Variants in SAMMSON observed in about 807,000 individuals in gnomAD.
SAMMSON encodes the protein long intergenic non-protein coding RNA 1212.
chr3:70,424,596 C>T (rs1701340401), intron 2 of SAMMSON, among the ~76,000 whole-genome samples: 1 of 151,716 alleles, frequency 6.6e-6, no homozygotes, highest in African/African-American at 2.4e-5. Context: ...TAAATCAATT[C>T]AAATAAAATA....
At chr3:70,249,582 A>G (rs1423519818) in intron 5 of SAMMSON, 1 of 152,018 alleles carries the variant, frequency 6.6e-6, no homozygotes, top group Non-Finnish European at 1.5e-5. Context: ...TTCTTAAAAT[A>G]TATCATTGCA....
chr3:70,279,047 C>T (rs1211101424), intron 6 of SAMMSON, among the ~76,000 whole-genome samples: 1 of 150,432 alleles, frequency 6.6e-6, no homozygotes, highest in Non-Finnish European at 1.5e-5. Context: ...CCTTGTCAAG[C>T]TTTCTCCCTT....
chr3:70,042,833 A>G (rs765751355), intron 3 of SAMMSON, among the ~76,000 whole-genome samples: 1 of 152,128 alleles, frequency 6.6e-6, no homozygotes, highest in Non-Finnish European at 1.5e-5. Context: ...GGAGTCCAAA[A>G]TAGCTGGAAA....
At chr3:70,124,138 TTGTC>T (rs1439358767) in intron 4 of SAMMSON, among the ~76,000 whole-genome samples, 1 of 152,188 alleles carries the variant, frequency 6.6e-6, no homozygotes, top group Admixed American at 6.5e-5. Flanking sequence ...GATTATTTGA[TTGTC>T]TGTCTCCTGG....
chr3:70,031,267 A>G (rs2131123), intron 3 of SAMMSON, among the ~76,000 whole-genome samples: 8,932 of 152,126 alleles, frequency 0.059, 373 homozygotes, highest in South Asian at 0.14. Flanking sequence ...AAAACATTGC[A>G]CTGAATGAAA....
At chr3:70,152,901 A>G (rs1010915343) in intron 4 of SAMMSON, among the ~76,000 whole-genome samples, 5 of 151,992 alleles carry the variant, frequency 3.3e-5, no homozygotes, top group African/African-American at 1.2e-4. Flanking sequence ...TGAAATAGCT[A>G]TTTGGTCTTC....
At chr3:70,290,958 C>G (rs1702232295) in intron 6 of SAMMSON, among the ~76,000 whole-genome samples, 1 of 152,162 alleles carries the variant, frequency 6.6e-6, no homozygotes, top group African/African-American at 2.4e-5. Flanking sequence ...AGCCCACTGT[C>G]TGGCACTCCC....
chr3:70,066,730 T>C (rs2067211500), intron 3 of SAMMSON, among the ~76,000 whole-genome samples: 1 of 152,128 alleles, frequency 6.6e-6, no homozygotes. Flanking sequence ...TTTAAATTAA[T>C]CTGAGTGGAC....
chr3:70,235,722 CA>C (rs1160441571), intron 4 of SAMMSON, among the ~76,000 whole-genome samples: 40 of 152,212 alleles, frequency 2.6e-4, no homozygotes, highest in Non-Finnish European at 1.5e-5. Flanking sequence ...AGTTGGCATT[CA>C]AATCAGGCCA....
chr3:70,093,625 C>G (rs2067313166), intron 4 of SAMMSON, among the ~76,000 whole-genome samples: 1 of 152,046 alleles, frequency 6.6e-6, no homozygotes, highest in Non-Finnish European at 1.5e-5. Context: ...CAGCTGGATA[C>G]AAGGGTGGGG....
intron 4 of SAMMSON, among the ~76,000 whole-genome samples, chr3:70,077,759 G>A (rs182333689): frequency 1.3e-5 from 2 of 152,090 alleles, no homozygotes; most frequent in African/African-American, 4.8e-5. Flanking sequence ...TTAGTTAATT[G>A]CACACATCTC....
chr3:70,367,336 G>A (rs908664392), intron 9 of SAMMSON, among the ~76,000 whole-genome samples: 1 of 151,278 alleles, frequency 6.6e-6, no homozygotes, highest in Non-Finnish European at 1.5e-5. Flanking sequence ...ATCTTTCCTA[G>A]CCTCTGGTAA....
intron 7 of SAMMSON, among the ~76,000 whole-genome samples, chr3:70,321,074 G>T (rs183422944): frequency 6.6e-6 from 1 of 152,086 alleles, no homozygotes; most frequent in African/African-American, 2.4e-5. Flanking sequence ...TTTTGATTTT[G>T]CAACTTTATT....
At position 70,007,830 on chromosome 3, in the gene SAMMSON, G is replaced by A. The variant is rs2066934817; in HGVS notation, n.23-4527G>A. 9.9e-5 allele frequency among the ~76,000 whole-genome samples: 15 copies of A among 152,232 alleles called. No homozygotes were observed. The South Asian group carries it at 2.9e-3, about 30-fold the overall frequency. The stretch of plus-strand genomic sequence containing the variant: ...TCTTGAATTAATTTTTGTATAAGGT[G>A]TAAGGAAGAGATCCAGTTTCAGCTT... On this transcript the variant is annotated intron_variant and non_coding_transcript_variant, in intron 1 of 9. Transcript: ENST00000642114.
intron 4 of SAMMSON, chr3:70,096,159 G>C (rs2067322283): frequency 6.6e-6 from 1 of 152,380 alleles, no homozygotes; most frequent in East Asian, 1.9e-4. Context: ...GAGAGCCTCA[G>C]TTTCCTGCTG....
At chr3:70,412,072 T>C (rs909395110) in intron 2 of SAMMSON, among the ~76,000 whole-genome samples, 15 of 152,206 alleles carry the variant, frequency 9.9e-5, no homozygotes, top group African/African-American at 3.6e-4. Flanking sequence ...TATTCACTTT[T>C]CAATTTCCTT....
At chr3:70,293,371 T>C (rs1332867869) in intron 7 of SAMMSON, among the ~76,000 whole-genome samples, 1 of 152,100 alleles carries the variant, frequency 6.6e-6, no homozygotes, top group African/African-American at 2.4e-5. Flanking sequence ...GACTTAGAAG[T>C]GGAATAACTA....
intron 3 of SAMMSON, among the ~76,000 whole-genome samples, chr3:70,016,762 T>C (rs1367427594): frequency 6.6e-6 from 1 of 152,198 alleles, no homozygotes; most frequent in Non-Finnish European, 1.5e-5. Context: ...TTAATTTTTG[T>C]ATAAGGTGTA....
intron 3 of SAMMSON, among the ~76,000 whole-genome samples, chr3:70,048,886 A>G (rs2067136350): frequency 1.3e-5 from 2 of 152,086 alleles, no homozygotes; most frequent in Non-Finnish European, 1.5e-5. Context: ...CAGGATTCCT[A>G]CTCAGGCAGT....
Sources: gnomAD v4.1 joint callset for allele counts (sites outside exome capture counted in the v4.1 genomes callset) on GRCh38, gnomAD v4.1.1 for gene constraint, MANE v1.5 for transcripts, NCBI Gene and HGNC (gene_info 2026-07-23, HGNC 2026-07-21) for gene names.